The following PARD6B variants were observed in gnomAD, a reference collection of about 807,000 sequenced individuals.
PARD6B encodes partitioning defective 6 homolog beta.
A neutral mutation model predicts 10.5 loss-of-function variants in PARD6B; 4 were observed. That is an observed-to-expected ratio of 0.38 (90% CI 0.19 to 0.87). The LOEUF (loss-of-function observed/expected upper bound fraction) is 0.87. Ranked by LOEUF, PARD6B falls within the 40% of genes least tolerant of loss-of-function variation. PARD6B has a pLI of 0.41. For missense variants in PARD6B, 396 were observed against 470.6 expected (o/e 0.84, Z 1.47); for synonymous variants, 169 against 170.4 (o/e 0.99, Z 0.07).
chr20:50,752,063 A>G lies in PARD6B; in HGVS notation c.*1575A>G. On this transcript the variant is annotated 3_prime_UTR_variant, in exon 3 of 3. Transcript: ENST00000371610. ...TCAAATTGGTGTTTGTCCTTCCTAT[A>G]GCTTTCATATTTTCAAATTAATTCT... 1.0e-6 allele frequency: 1 copy of G among 985,274 alleles called. No individual in the cohort carries two copies. The highest frequency in any genetic ancestry group is 1.2e-6 in the Non-Finnish European group (1 of 829,812). The allele number at this position is 985,274 out of a possible 1,614,324, so 61.0% of individuals were successfully genotyped here. A position where few individuals can be genotyped will look rare whatever the true frequency, so the allele number is the denominator to read the frequency against.
At chr20:50,743,434 A>C (rs1001279534) in intron 2 of PARD6B, among the ~76,000 whole-genome samples, 2 of 152,214 alleles carry the variant, frequency 1.3e-5, no homozygotes, top group Non-Finnish European at 2.9e-5. Context: ...TTTGTGGCCC[A>C]GATGCTGGTA....
intron 2 of PARD6B, among the ~76,000 whole-genome samples, chr20:50,740,744 A>T (rs1240545763): frequency 1.3e-5 from 2 of 152,204 alleles, no homozygotes; most frequent in Non-Finnish European, 2.9e-5. Flanking sequence ...TTAGATTTTA[A>T]AAATATAAAT....
rs2087619508 is a variant in PARD6B, at chr20:50,752,557, T to C, written c.*2069T>C. Reference sequence around the variant, plus strand: ...TGTACAGTGTGCACAAGCACAATGGTATGCTTGTATATAGAAACTAAAAAT... The same window carrying C: ...TGTACAGTGTGCACAAGCACAATGGCATGCTTGTATATAGAAACTAAAAAT... On this transcript the variant is annotated 3_prime_UTR_variant, in exon 3 of 3. Transcript: ENST00000371610. The C allele has an allele frequency of 6.1e-6, 6 of 984,744 alleles. No homozygotes were observed. The highest frequency in any genetic ancestry group is 7.2e-6 in the Non-Finnish European group (6 of 829,078). 61.0% of individuals were successfully genotyped at this position (984,744 alleles called of 1,614,324 possible).
Position 50,750,593 on chromosome 20 carries a change from A to C in PARD6B, c.*105A>C, listed in dbSNP as rs2087597998. The C allele has an allele frequency of 1.4e-6, 2 of 1,454,794 alleles. No individual in the cohort carries two copies. The highest frequency in any genetic ancestry group is 1.8e-6 in the Non-Finnish European group (2 of 1,108,876). 90.1% of individuals were successfully genotyped at this position (1,454,794 alleles called of 1,614,324 possible). A position where few individuals can be genotyped will look rare whatever the true frequency, so the allele number is the denominator to read the frequency against. On this transcript the variant is annotated 3_prime_UTR_variant, in exon 3 of 3. Coordinates refer to ENST00000371610, the MANE Select transcript of PARD6B (RefSeq NM_032521.3). Reference sequence around the variant, plus strand: ...TGACCAGTGACGTGGAATAGGCATGAGACGAGTAACGTTGCAAGCTTACAA... The same window carrying C: ...TGACCAGTGACGTGGAATAGGCATGCGACGAGTAACGTTGCAAGCTTACAA...
Position 50,731,830 on chromosome 20 carries a change from G to A in PARD6B, c.44G>A (p.Gly15Asp). The A allele has an allele frequency of 6.8e-7, 1 of 1,463,372 alleles. No individual in the cohort carries two copies. Among genetic ancestry groups the A allele is most frequent in the South Asian group, 1.3e-5 (1 of 76,358 alleles). 90.6% of individuals were successfully genotyped at this position (1,463,372 alleles called of 1,614,324 possible). ...CACGGGGCGGGCAGCGGCTGCCTGG[G>A]CACTATGGAGGTGAAGAGCAAGGTG... is the stretch of plus-strand genomic sequence containing the variant. ...HRHGAGSGCL[G>D]TMEVKSKFGA... The change falls in exon 1 of 3, where the codon GGC becomes GAC. Residue 15 changes from glycine to aspartate, a missense_variant. Physicochemically the swap from Gly to Asp is moderately conservative, Grantham distance 94. Transcript: ENST00000371610.
In PARD6B at chr20:50,743,401, G is replaced by T. The variant is rs559850536; in HGVS notation, c.289+5322G>T. 2.3e-3 allele frequency among the ~76,000 whole-genome samples: 347 copies of T among 152,282 alleles called. 1 individual carries two copies. Among genetic ancestry groups the T allele is most frequent in the African/African-American group, 8.1e-3 (335 of 41,568 alleles). ...TGCTTTAAACTTTGTCTCTCATAGG[G>T]CATGCCCTTACACAGATGTGACTTT... On this transcript the variant is annotated intron_variant, in intron 2 of 2. Transcript: ENST00000371610.
At chr20:50,748,912 A>G (rs1483464307) in intron 2 of PARD6B, among the ~76,000 whole-genome samples, 1 of 152,100 alleles carries the variant, frequency 6.6e-6, no homozygotes, top group East Asian at 1.9e-4. Context: ...AGTAGCTCTC[A>G]CCTGTACTCC....
At chr20:50,739,108 G>A (rs1227952010) in intron 2 of PARD6B, among the ~76,000 whole-genome samples, 3 of 151,852 alleles carry the variant, frequency 2.0e-5, no homozygotes, top group Non-Finnish European at 2.9e-5. Flanking sequence ...GCCTGGTATT[G>A]GGATAAATTA....
In PARD6B at chr20:50,731,685, G is replaced by T; in HGVS notation, c.-102G>T. The T allele has an allele frequency of 6.3e-6, 7 of 1,115,530 alleles. No individual in the cohort carries two copies. Among genetic ancestry groups the T allele is most frequent in the Non-Finnish European group, 8.2e-6 (7 of 849,196 alleles). 69.1% of individuals were successfully genotyped at this position (1,115,530 alleles called of 1,614,324 possible). On this transcript the variant is annotated 5_prime_UTR_variant, in exon 1 of 3. Coordinates refer to ENST00000371610, the MANE Select transcript of PARD6B (RefSeq NM_032521.3). ...TGCAGGTGCCTGTGAGGAGGCGCCCGGGCCGCAACCGCTTTCCGAGATCCC... is the reference window on the plus strand; with the variant it reads ...TGCAGGTGCCTGTGAGGAGGCGCCCTGGCCGCAACCGCTTTCCGAGATCCC...
In PARD6B at chr20:50,752,219, G is replaced by T; in HGVS notation, c.*1731G>T. 1.0e-6 allele frequency: 1 copy of T among 985,382 alleles called. No homozygotes were observed. Among genetic ancestry groups the T allele is most frequent in the Non-Finnish European group, 1.2e-6 (1 of 829,808 alleles). 61.0% of individuals were successfully genotyped at this position (985,382 alleles called of 1,614,324 possible). ...ATCATTCCTTTTATTGTTAGTGTGT[G>T]TATTTTTGTTGGTGTGCTTTTAATG... On this transcript the variant is annotated 3_prime_UTR_variant, in exon 3 of 3. Coordinates refer to ENST00000371610, the MANE Select transcript of PARD6B (RefSeq NM_032521.3).
intron 2 of PARD6B, among the ~76,000 whole-genome samples, chr20:50,741,160 C>T (rs1391819551): frequency 1.3e-5 from 2 of 151,954 alleles, no homozygotes; most frequent in African/African-American, 4.8e-5. Context: ...GGGGTGTCAC[C>T]ATGTTGGCCA....
rs1314979780 is a variant in PARD6B at position 50,737,946 on chromosome 20, G to C, written c.156G>C (p.Lys52Asn). The stretch of plus-strand genomic sequence containing the variant: ...ATGGATTACTACAACATGTTCATAA[G>C]ATCCCCAATGTTGACGTTTTGGTAG... ...EFYGLLQHVH[K>N]IPNVDVLVGY... Residue 52 changes from lysine (K) to asparagine (N), a missense_variant, in exon 2 of 3, where the codon AAG becomes AAC. Transcript: ENST00000371610. 1.9e-6 allele frequency: 3 copies of C among 1,613,076 alleles called. No homozygotes were observed. In the African/African-American group the frequency reaches 4.0e-5, roughly 22 times the overall value.
Position 50,738,075 on chromosome 20 carries a change from G to T in PARD6B, c.285G>T (p.Lys95Asn), listed in dbSNP as rs750754348. The T allele has an allele frequency of 1.5e-5, 24 of 1,593,014 alleles. No individual in the cohort carries two copies. The South Asian group carries it at 2.6e-4, about 17-fold the overall frequency. ...ANPLLRIFIQ[K>N]KEEADYSAFG... ...CACTGCTTAGGATATTTATACAAAA[G>T]AAGGGTAAGTATCACTGTTTAGAAA... Residue 95 changes from lysine (K) to asparagine (N), a missense_variant, in exon 2 of 3, where the codon AAG (lysine) becomes AAT (asparagine). Lys to Asn is a moderately conservative substitution (Grantham distance 94). Around this residue, in one of 2 missense-constraint regions of PARD6B, gnomAD observed 208 missense variants for 300.9 expected, o/e 0.69. Transcript: ENST00000371610.
At position 50,750,174 on chromosome 20, in the gene PARD6B, A is replaced by G. The variant is rs2087592896; in HGVS notation, c.805A>G (p.Thr269Ala). Residue 269 changes from threonine (T) to alanine (A), a missense_variant, in exon 3 of 3, where the codon ACT becomes GCT. By Grantham distance (58) the Thr-to-Ala change is moderately conservative. Coordinates refer to ENST00000371610, the MANE Select transcript of PARD6B (RefSeq NM_032521.3). ...GACTTCTGGCAGTTCCGGTCAGTCT[A>G]CTGATAACAGCCTTCTTGGCTACCC... ...SRTSGSSGQS[T>A]DNSLLGYPQQ... 1 of 1,614,116 alleles carries G rather than the reference A, an allele frequency of 6.2e-7. No homozygotes were observed. The highest frequency in any genetic ancestry group is 1.3e-5 in the African/African-American group (1 of 74,940).
At chr20:50,749,491 T>C (rs530079426) in intron 2 of PARD6B, among the ~76,000 whole-genome samples, 168 bp from the exon 3 acceptor site, 14 of 152,356 alleles carry the variant, frequency 9.2e-5, no homozygotes, top group East Asian at 1.9e-4. Context: ...TTTTCTGGTA[T>C]GGCATTTTAC....
rs935924078 is a variant in PARD6B, at chr20:50,744,189, A to G, written c.290-5470A>G. ...GAGTGCAATGGCGTGATCTCGTCTC[A>G]CGGCAACCTCCGCCTCCTGGGTTCA... On this transcript the variant is annotated intron_variant, in intron 2 of 2. Coordinates refer to ENST00000371610, the MANE Select transcript of PARD6B (RefSeq NM_032521.3). Among the ~76,000 whole-genome samples, 5 of 130,004 alleles carry G rather than the reference A, an allele frequency of 3.8e-5. No individual in the cohort carries two copies. In the Admixed American group the frequency reaches 5.1e-4, roughly 13 times the overall value. 85.3% of individuals were successfully genotyped at this position (130,004 alleles called of 152,430 possible). A position where few individuals can be genotyped will look rare whatever the true frequency, so the allele number is the denominator to read the frequency against.
chr20:50,752,851 G>A lies in PARD6B; in HGVS notation c.*2363G>A. ...ATTATCAGTAAACTATTAACTGACT[G>A]CACATTATGTAATACGTTGTACTTT... On this transcript the variant is annotated 3_prime_UTR_variant, in exon 3 of 3. Coordinates refer to ENST00000371610, the MANE Select transcript of PARD6B (RefSeq NM_032521.3). 2 of 980,942 alleles carry A rather than the reference G, an allele frequency of 2.0e-6. No homozygotes were observed. The highest frequency in any genetic ancestry group is 2.4e-6 in the Non-Finnish European group (2 of 825,510). 60.8% of individuals were successfully genotyped at this position (980,942 alleles called of 1,614,324 possible).
chr20:50,742,610 CCCT>C (rs2087537115), intron 2 of PARD6B, among the ~76,000 whole-genome samples: 1 of 152,084 alleles, frequency 6.6e-6, no homozygotes, highest in Non-Finnish European at 1.5e-5. Flanking sequence ...AGGTGATCCA[CCCT>C]CCTCAGCCTC....
At chr20:50,743,888 CAAA>C (rs1216305315) in intron 2 of PARD6B, among the ~76,000 whole-genome samples, 6 of 56,172 alleles carry the variant, frequency 1.1e-4, no homozygotes, top group Non-Finnish European at 1.5e-4. Context: ...GACTCCGTCT[CAAA>C]AAAAAAAAAA....
Sources: allele counts gnomAD v4.1 joint callset (sites outside exome capture counted in the v4.1 genomes callset), GRCh38; gene constraint gnomAD v4.1.1; regional missense constraint gnomAD v4.1.1; transcripts MANE v1.5; gene names NCBI Gene and HGNC (gene_info 2026-07-23, HGNC 2026-07-21).